Variants in CSMD3 observed in about 807,000 individuals in gnomAD.
The protein encoded by CSMD3 is CUB and Sushi multiple domains 3, also known as CUB and sushi domain-containing protein 3.
A neutral mutation model predicts 435.2 loss-of-function variants in CSMD3; 177 were observed. The observed-to-expected ratio is 0.41, with a 90% CI of 0.36 to 0.46. CSMD3 has a LOEUF of 0.46. Among genes scored for constraint, CSMD3 ranks in the 20% least tolerant of loss-of-function variants. CSMD3 has a pLI of 0.34. For synonymous variants in CSMD3, 1,656 were observed against 1,520.5 expected (o/e 1.09, Z -2.07); for missense variants, 4,265 against 4,504.6 (o/e 0.95, Z 1.52).
At position 113,258,718 on chromosome 8, in the gene CSMD3, C is replaced by T. The variant is rs552385874; in HGVS notation, c.514+19874G>A. On this transcript the variant is annotated intron_variant, in intron 3 of 70. Coordinates refer to ENST00000297405, the MANE Select transcript of CSMD3 (RefSeq NM_198123.2). The stretch of plus-strand genomic sequence containing the variant: ...GGCTTAACGGAGCAGAGGAATATAA[C>T]GGTTTTGAGTAGGGAAGCGTTAAGA... 7.8e-4 allele frequency among the ~76,000 whole-genome samples: 119 copies of T among 152,066 alleles called. 1 individual carries two copies. The highest frequency in any genetic ancestry group is 1.1e-3 in the Non-Finnish European group (73 of 67,982).
intron 31 of CSMD3, among the ~76,000 whole-genome samples, chr8:112,476,295 C>T (rs1186667642): frequency 1.3e-5 from 2 of 152,164 alleles, no homozygotes; most frequent in Non-Finnish European, 2.9e-5. Context: ...ACCCATCTGC[C>T]TTGGCCTCTT....
At chr8:112,594,160 C>A (rs916763550) in intron 22 of CSMD3, among the ~76,000 whole-genome samples, 3 of 152,180 alleles carry the variant, frequency 2.0e-5, no homozygotes, top group East Asian at 3.9e-4. Flanking sequence ...AGTGGGTGCA[C>A]GCACCGTGTG....
chr8:112,433,846 G>A (rs1814021997), intron 32 of CSMD3, among the ~76,000 whole-genome samples: 2 of 145,770 alleles, frequency 1.4e-5, no homozygotes, highest in South Asian at 4.3e-4. Context: ...ATCTATTTTA[G>A]TGCTAAGTTT....
At chr8:112,756,357 T>C (rs1445361123) in intron 13 of CSMD3, among the ~76,000 whole-genome samples, 2 of 152,274 alleles carry the variant, frequency 1.3e-5, no homozygotes, top group African/African-American at 4.8e-5. Flanking sequence ...CTTAAAACTA[T>C]CTTCAGGTGT....
At position 113,236,967 on chromosome 8, in the gene CSMD3, C is replaced by A. The variant is rs1008016917; in HGVS notation, c.514+41625G>T. 2.0e-5 allele frequency among the ~76,000 whole-genome samples: 3 copies of A among 152,222 alleles called. No homozygotes were observed. The East Asian group carries it at 5.8e-4, about 29-fold the overall frequency. Reference sequence around the variant, plus strand: ...GCTGAACCAGAATATACTTGCACCTCCTAAGATTCTTTGTTCATCAGGTTA... The same window carrying A: ...GCTGAACCAGAATATACTTGCACCTACTAAGATTCTTTGTTCATCAGGTTA... On this transcript the variant is annotated intron_variant, in intron 3 of 70. Coordinates refer to ENST00000297405, the MANE Select transcript of CSMD3 (RefSeq NM_198123.2).
chr8:112,804,200 T>G (rs1052401316), intron 12 of CSMD3, among the ~76,000 whole-genome samples: 8 of 152,282 alleles, frequency 5.3e-5, no homozygotes, highest in South Asian at 2.1e-4. Context: ...AATTTTTGTC[T>G]CAGGTCCTTT....
intron 5 of CSMD3, among the ~76,000 whole-genome samples, chr8:113,024,865 C>T (rs1175612366): frequency 6.6e-6 from 1 of 152,106 alleles, no homozygotes; most frequent in Non-Finnish European, 1.5e-5. Context: ...AATTTCTCAT[C>T]ATCCACCCCT....
At chr8:112,677,471 A>T (rs540104370) in intron 16 of CSMD3, among the ~76,000 whole-genome samples, 1 of 150,280 alleles carries the variant, frequency 6.7e-6, no homozygotes, top group Non-Finnish European at 1.5e-5. Context: ...TGCTTCTTAA[A>T]TAACTTTGGT....
At chr8:112,575,486 T>TA (rs1829866365) in intron 23 of CSMD3, among the ~76,000 whole-genome samples, 1 of 152,056 alleles carries the variant, frequency 6.6e-6, no homozygotes, top group East Asian at 1.9e-4. Context: ...GTCAAGTTTT[T>TA]AAAAAATGTA....
intron 38 of CSMD3, among the ~76,000 whole-genome samples, chr8:112,374,008 T>C (rs1828704160): frequency 6.6e-6 from 1 of 152,154 alleles, no homozygotes; most frequent in African/African-American, 2.4e-5. Flanking sequence ...AATGCTGCCG[T>C]GGCTTGTTTT....
intron 31 of CSMD3, among the ~76,000 whole-genome samples, chr8:112,489,580 T>C (rs926254818): frequency 6.6e-6 from 1 of 152,218 alleles, no homozygotes; most frequent in Non-Finnish European, 1.5e-5. Flanking sequence ...CAGACCAATG[T>C]TTAAAATAAG....
At chr8:113,168,312 G>A (rs1436656097) in intron 4 of CSMD3, among the ~76,000 whole-genome samples, 1 of 151,846 alleles carries the variant, frequency 6.6e-6, no homozygotes, top group Non-Finnish European at 1.5e-5. Context: ...AGATCACGAG[G>A]TCAAGAGATC....
intron 5 of CSMD3, among the ~76,000 whole-genome samples, chr8:113,056,732 T>C (rs750467645): frequency 2.6e-5 from 4 of 152,194 alleles, no homozygotes; most frequent in Non-Finnish European, 4.4e-5. Context: ...AAAGTCCCCA[T>C]GGTCTCACCT....
In CSMD3 at chr8:113,124,544, T is replaced by C. The variant is rs1200722513; in HGVS notation, c.710-25581A>G. On this transcript the variant is annotated intron_variant, in intron 4 of 70. Transcript: ENST00000297405. ...TATCATGAATTTTTATCATAATTCA[T>C]AATTATCTGCCAAGAATTTCTTATT... is the stretch of plus-strand genomic sequence containing the variant. 3.9e-5 allele frequency among the ~76,000 whole-genome samples: 6 copies of C among 152,098 alleles called. No individual in the cohort carries two copies. In the East Asian group the frequency reaches 1.2e-3, roughly 29 times the overall value.
chr8:112,820,821 C>T (rs747383472), intron 12 of CSMD3, among the ~76,000 whole-genome samples: 18 of 152,036 alleles, frequency 1.2e-4, no homozygotes, highest in Admixed American at 6.6e-4. Context: ...CCACTCACCA[C>T]CACCGCCAAC....
chr8:112,399,257 G>T lies in CSMD3; in HGVS notation c.5809+7267C>A, dbSNP rs987113752. Among the ~76,000 whole-genome samples the T allele has an allele frequency of 1.7e-3, 194 of 116,584 alleles. 1 individual carries two copies. Among genetic ancestry groups the T allele is most frequent in the African/African-American group, 6.9e-3 (192 of 27,956 alleles). The allele number at this position is 116,584 out of a possible 152,430, so 76.5% of individuals were successfully genotyped here. On this transcript the variant is annotated intron_variant, in intron 35 of 70. Transcript: ENST00000297405. ...AAAGTTTTTAAAATATAGAAGTTTTGATTCCAAATTTTTTTTTTTTTTAGA... is the reference window on the plus strand; with the variant it reads ...AAAGTTTTTAAAATATAGAAGTTTTTATTCCAAATTTTTTTTTTTTTTAGA...
chr8:112,912,479 A>G (rs2082451142), intron 10 of CSMD3, among the ~76,000 whole-genome samples: 1 of 151,894 alleles, frequency 6.6e-6, no homozygotes, highest in Non-Finnish European at 1.5e-5. Flanking sequence ...TACCGTTTCA[A>G]TTAATGGTAC....
intron 12 of CSMD3, among the ~76,000 whole-genome samples, chr8:112,813,075 T>C (rs1316924123): frequency 6.6e-6 from 1 of 152,134 alleles, no homozygotes; most frequent in African/African-American, 2.4e-5. Context: ...GACATCTAAG[T>C]GTTAACGCCT....
At chr8:113,071,551 A>G (rs1055173203) in intron 5 of CSMD3, among the ~76,000 whole-genome samples, 2 of 151,750 alleles carry the variant, frequency 1.3e-5, no homozygotes, top group African/African-American at 4.8e-5. Context: ...ATTTTTTTAT[A>G]TCACTTGTTG....
Sources: allele counts gnomAD v4.1 joint callset (sites outside exome capture counted in the v4.1 genomes callset), GRCh38; gene constraint gnomAD v4.1.1; transcripts MANE v1.5; gene names NCBI Gene and HGNC (gene_info 2026-07-23, HGNC 2026-07-21).